Variants in PARP9 observed in about 807,000 individuals in gnomAD.
PARP9 encodes the protein protein mono-ADP-ribosyltransferase PARP9.
In PARP9, 48 loss-of-function variants were observed where a neutral mutation model predicts 68.8. The ratio of observed to expected loss-of-function variants is 0.70; its 90% CI spans 0.55 to 0.89. PARP9 has a LOEUF of 0.89. Among genes scored for constraint, PARP9 ranks in the 40% least tolerant of loss-of-function variants. PARP9 has a pLI of 0.00. For missense variants in PARP9, 806 were observed against 969.3 expected, an observed-to-expected ratio of 0.83 and a Z score of 2.24; for synonymous variants, 309 against 333.8, an observed-to-expected ratio of 0.93 and a Z score of 0.81.
chr3:122,536,815 G>C, intron 9 of PARP9, 119 bp downstream of exon 9: 2 of 1,222,338 alleles, frequency 1.6e-6, no homozygotes, highest in Non-Finnish European at 2.3e-6. Context: ...TACTGACCTA[G>C]GATTCCAAGT....
At chr3:122,561,929 A>C in intron 1 of PARP9, among the ~76,000 whole-genome samples, 2 of 150,690 alleles carry the variant, frequency 1.3e-5, no homozygotes, top group African/African-American at 2.4e-5. Flanking sequence ...CCTCCATCCC[A>C]CCCCCACCAA....
At chr3:122,530,006 A>G (rs968121794) in intron 10 of PARP9, among the ~76,000 whole-genome samples, 5 of 151,806 alleles carry the variant, frequency 3.3e-5, no homozygotes, top group Non-Finnish European at 7.4e-5. Flanking sequence ...GCAAAACCCT[A>G]TCCCCACAAA....
chr3:122,541,653 G>A (rs998216563), intron 7 of PARP9, among the ~76,000 whole-genome samples: 1 of 152,140 alleles, frequency 6.6e-6, no homozygotes, highest in African/African-American at 2.4e-5. Context: ...GACATATAAT[G>A]GAAAGAAGAA....
chr3:122,533,723 C>T, intron 10 of PARP9: 8 of 985,330 alleles, frequency 8.1e-6, no homozygotes, highest in Non-Finnish European at 9.6e-6. Flanking sequence ...GTGTAGATGC[C>T]TTCTTGCTGC....
intron 8 of PARP9, among the ~76,000 whole-genome samples, chr3:122,539,563 CTTTCTTTT>C (rs1266955423): frequency 1.6e-4 from 13 of 80,602 alleles, no homozygotes; most frequent in South Asian, 8.4e-4. Context: ...TTCTTTCTTT[CTTTCTTTT>C]TTTTTTGAGA....
chr3:122,540,658 A>T lies in PARP9; in HGVS notation c.1579T>A (p.Leu527Met). ...LYLGRKEHDI[L>M]SQLQKTSSVS... ...CTTGAAGTTTTCTGAAGCTGAGACA[A>T]AATGTCATGTTCCTTTCTCCCAAGG... is the stretch of plus-strand genomic sequence containing the variant. Residue 527 changes from leucine (L) to methionine (M), a missense_variant, in exon 8 of 11, where the codon TTG (leucine) becomes ATG (methionine). Around this residue, in one of 2 missense-constraint regions of PARP9, gnomAD observed 680 missense variants for 858.8 expected, o/e 0.79. Transcript: ENST00000682323. 1 of 1,614,164 alleles carries T rather than the reference A, an allele frequency of 6.2e-7. No individual in the cohort carries two copies. The highest frequency in any genetic ancestry group is 8.5e-7 in the Non-Finnish European group (1 of 1,180,026).
intron 6 of PARP9, 43 bp downstream of exon 6, chr3:122,550,541 A>G: frequency 6.9e-7 from 1 of 1,452,276 alleles, no homozygotes; most frequent in Non-Finnish European, 9.6e-7. Flanking sequence ...GAATGAATGA[A>G]TGAATGAATG....
At chr3:122,544,816 A>G (rs920142875) in intron 7 of PARP9, among the ~76,000 whole-genome samples, 8 of 152,216 alleles carry the variant, frequency 5.3e-5, no homozygotes, top group Non-Finnish European at 1.2e-4. Flanking sequence ...AACCAGAGTG[A>G]CAGAGTCAGA....
At chr3:122,554,694 A>G (rs1393763551) in intron 4 of PARP9, among the ~76,000 whole-genome samples, 2 of 152,214 alleles carry the variant, frequency 1.3e-5, no homozygotes, top group African/African-American at 4.8e-5. Flanking sequence ...CAAAGCTGGT[A>G]TTCAAATCCA....
At chr3:122,552,746 T>G (rs902559529) in intron 4 of PARP9, 107 bp from the exon 5 acceptor site, 14 of 778,532 alleles carry the variant, frequency 1.8e-5, no homozygotes, top group Non-Finnish European at 2.8e-5. Context: ...TCTTTGAAGA[T>G]CCTAAATTCT....
At chr3:122,545,363 A>G (rs2078621109) in intron 7 of PARP9, 69 bp downstream of exon 7, 1 of 1,492,054 alleles carries the variant, frequency 6.7e-7, no homozygotes, top group Non-Finnish European at 9.4e-7. Flanking sequence ...CCGTTAGTTC[A>G]GATGATCAAG....
intron 6 of PARP9, among the ~76,000 whole-genome samples, chr3:122,549,228 C>G (rs1257124606): frequency 6.6e-6 from 1 of 152,146 alleles, no homozygotes; most frequent in Non-Finnish European, 1.5e-5. Flanking sequence ...GTTAGCTACA[C>G]TGGTCTCAAA....
chr3:122,543,848 T>C (rs773770561), intron 7 of PARP9, among the ~76,000 whole-genome samples: 64 of 152,268 alleles, frequency 4.2e-4, no homozygotes, highest in Admixed American at 2.0e-3. Flanking sequence ...TGACCTCAAG[T>C]GATCCACCTG....
chr3:122,548,728 C>A lies in PARP9; in HGVS notation c.1326+1856G>T, dbSNP rs2078959156. Among the ~76,000 whole-genome samples the A allele has an allele frequency of 2.0e-5, 3 of 152,302 alleles. 1 individual carries two copies. Among genetic ancestry groups the A allele is most frequent in the South Asian group, 4.1e-4 (2 of 4,824 alleles). ...ACTCAGACACATAAGACAAGCTCCC[C>A]TCCAACACATGGACCCCAAATGTGT... is the stretch of plus-strand genomic sequence containing the variant. On this transcript the variant is annotated intron_variant, in intron 6 of 10. Transcript: ENST00000682323.
chr3:122,542,414 AT>A (rs1225996522), intron 7 of PARP9, among the ~76,000 whole-genome samples: 5 of 146,948 alleles, frequency 3.4e-5, no homozygotes, highest in South Asian at 2.2e-4. Flanking sequence ...AATAATACTA[AT>A]TTTTTTTTTG....
chr3:122,558,504 A>G (rs1223562278), intron 2 of PARP9, 37 bp from the exon 3 acceptor site: 1 of 1,611,134 alleles, frequency 6.2e-7, no homozygotes, highest in South Asian at 1.1e-5. Context: ...AAAAAATGGA[A>G]GTGGAATGAC....
chr3:122,534,299 G>A lies in PARP9; in HGVS notation c.2080+1869C>T, dbSNP rs887940431. The A allele has an allele frequency of 9.2e-6, 9 of 979,956 alleles. No homozygotes were observed. In the Admixed American group the frequency reaches 2.5e-4, roughly 27 times the overall value. 60.7% of individuals were successfully genotyped at this position (979,956 alleles called of 1,614,324 possible). On this transcript the variant is annotated intron_variant, in intron 10 of 10. Transcript: ENST00000682323. Reference sequence around the variant, plus strand: ...ACAGCCTGAGCACATTCTAGCCTGTGAGAAAATCCATGGCTCCCTGATAGG... The same window carrying A: ...ACAGCCTGAGCACATTCTAGCCTGTAAGAAAATCCATGGCTCCCTGATAGG...
chr3:122,544,604 C>T (rs1440981356), intron 7 of PARP9, among the ~76,000 whole-genome samples: 2 of 151,980 alleles, frequency 1.3e-5, no homozygotes, highest in African/African-American at 4.8e-5. Context: ...ATCACTTGAG[C>T]CCAGGAGTTT....
At chr3:122,562,248 T>A (rs1367843398) in intron 1 of PARP9, among the ~76,000 whole-genome samples, 1 of 151,992 alleles carries the variant, frequency 6.6e-6, no homozygotes, top group Non-Finnish European at 1.5e-5. Context: ...TGTGGCGCGA[T>A]CTTGGCTCAT....
Sources: gnomAD v4.1 joint callset for allele counts (sites outside exome capture counted in the v4.1 genomes callset) on GRCh38, gnomAD v4.1.1 for gene constraint, gnomAD v4.1.1 regional missense constraint, MANE v1.5 for transcripts, NCBI Gene and HGNC (gene_info 2026-07-23, HGNC 2026-07-21) for gene names.